The following EPHA4 variants were observed in gnomAD, a reference collection of about 807,000 sequenced individuals.
The protein encoded by EPHA4 is ephrin type-A receptor 4.
A neutral mutation model predicts 108.3 loss-of-function variants in EPHA4; 19 were observed. The ratio of observed to expected loss-of-function variants is 0.18; its 90% CI spans 0.12 to 0.26. The LOEUF (loss-of-function observed/expected upper bound fraction) is 0.26. EPHA4 is among the 10% of genes least tolerant of loss of function. EPHA4 has a pLI of 1.00. For synonymous variants in EPHA4, 449 were observed against 455.5 expected (o/e 0.99, Z 0.18); for missense variants, 917 against 1,254.0 (o/e 0.73, Z 4.06).
At chr2:221,561,896 T>C (rs1188858674) in intron 3 of EPHA4, among the ~76,000 whole-genome samples, 4 of 152,114 alleles carry the variant, frequency 2.6e-5, no homozygotes, top group Non-Finnish European at 4.4e-5. Context: ...TATATAAGAA[T>C]CTTGACATGT....
intron 3 of EPHA4, among the ~76,000 whole-genome samples, chr2:221,508,683 T>C (rs1692710812): frequency 6.6e-6 from 1 of 152,112 alleles, no homozygotes; most frequent in African/African-American, 2.4e-5. Flanking sequence ...GTGCCCTGTA[T>C]TGCCCCCCAA....
chr2:221,527,329 C>T (rs1028641147), intron 3 of EPHA4, among the ~76,000 whole-genome samples: 47 of 152,050 alleles, frequency 3.1e-4, no homozygotes, highest in Admixed American at 2.9e-3. Flanking sequence ...ATTCACCTGC[C>T]GAGTCTCTCA....
chr2:221,551,924 C>A (rs1694175576), intron 3 of EPHA4, among the ~76,000 whole-genome samples: 1 of 151,784 alleles, frequency 6.6e-6, no homozygotes, highest in African/African-American at 2.4e-5. Flanking sequence ...AGCAGAGAGG[C>A]AATTCTAAAA....
intron 3 of EPHA4, among the ~76,000 whole-genome samples, chr2:221,545,650 A>G (rs1353066045): frequency 6.6e-6 from 1 of 152,128 alleles, no homozygotes. Flanking sequence ...GAAACTAAGG[A>G]TGGAATAACC....
Position 221,572,289 on chromosome 2 carries a change from A to C in EPHA4, c.-41T>G. The C allele has an allele frequency of 6.5e-7, 1 of 1,542,128 alleles. No individual in the cohort carries two copies. Among genetic ancestry groups the C allele is most frequent in the Non-Finnish European group, 9.0e-7 (1 of 1,114,598 alleles). ...ACGCTGCTCCTGCCGCTTCTATCCCAGTGGAATAAATGCTTAAGTTAGGAG... is the reference window on the plus strand; with the variant it reads ...ACGCTGCTCCTGCCGCTTCTATCCCCGTGGAATAAATGCTTAAGTTAGGAG... On this transcript the variant is annotated 5_prime_UTR_variant, in exon 1 of 18. Coordinates refer to ENST00000281821, the MANE Select transcript of EPHA4 (RefSeq NM_004438.5).
chr2:221,437,672 G>A (rs1219443142), intron 11 of EPHA4, among the ~76,000 whole-genome samples: 1 of 151,424 alleles, frequency 6.6e-6, no homozygotes, highest in Non-Finnish European at 1.5e-5. Flanking sequence ...AGCACTTTGG[G>A]AGGCCAAGAC....
At chr2:221,472,476 G>A (rs1172400189) in intron 5 of EPHA4, among the ~76,000 whole-genome samples, 1 of 152,002 alleles carries the variant, frequency 6.6e-6, no homozygotes, top group Non-Finnish European at 1.5e-5. Context: ...TCTATTGGTG[G>A]CAGGTCACTA....
At chr2:221,454,726 T>TA (rs1462880632) in intron 8 of EPHA4, among the ~76,000 whole-genome samples, 1 of 152,110 alleles carries the variant, frequency 6.6e-6, no homozygotes, top group Non-Finnish European at 1.5e-5. Flanking sequence ...TGGGAGTGAG[T>TA]AAATGGAGAC....
At chr2:221,538,175 G>A (rs1693727224) in intron 3 of EPHA4, among the ~76,000 whole-genome samples, 1 of 152,182 alleles carries the variant, frequency 6.6e-6, no homozygotes, top group Admixed American at 6.5e-5. Flanking sequence ...TAAGTCTTCT[G>A]TTATAGGACA....
intron 3 of EPHA4, among the ~76,000 whole-genome samples, chr2:221,530,667 A>G (rs532318200): frequency 1.3e-4 from 20 of 152,272 alleles, no homozygotes; most frequent in African/African-American, 4.8e-4. Context: ...CTGAGGGCTG[A>G]GGGCTTTGGG....
chr2:221,507,455 T>C lies in EPHA4; in HGVS notation c.824-6283A>G, dbSNP rs545172560. ...TTGAATCAGTTCAAATTTCTGCAAT[T>C]ATATATTATGATTAATTTTACATTT... On this transcript the variant is annotated intron_variant, in intron 3 of 17. Transcript: ENST00000281821. 2.6e-5 allele frequency among the ~76,000 whole-genome samples: 4 copies of C among 152,360 alleles called. No homozygotes were observed. The South Asian group carries it at 8.3e-4, about 32-fold the overall frequency.
At position 221,572,086 on chromosome 2, in the gene EPHA4, C is replaced by A. The variant is rs1022851049; in HGVS notation, c.91+72G>T. The A allele has an allele frequency of 1.4e-5, 18 of 1,287,144 alleles. No individual in the cohort carries two copies. In the African/African-American group the frequency reaches 1.9e-4, roughly 14 times the overall value. 79.7% of individuals were successfully genotyped at this position (1,287,144 alleles called of 1,614,324 possible). Reference sequence around the variant, plus strand: ...GCTCCCCCCGCACCACCTGGCCCTGCGCTCCTGAGGACCCCTCACCCGCGA... The same window carrying A: ...GCTCCCCCCGCACCACCTGGCCCTGAGCTCCTGAGGACCCCTCACCCGCGA... On this transcript the variant is annotated intron_variant, in intron 1 of 17. Transcript: ENST00000281821.
chr2:221,536,312 G>A (rs1693666579), intron 3 of EPHA4, among the ~76,000 whole-genome samples: 1 of 152,098 alleles, frequency 6.6e-6, no homozygotes, highest in Non-Finnish European at 1.5e-5. Flanking sequence ...CTCTTGTATT[G>A]TATTCCTCTA....
intron 3 of EPHA4, among the ~76,000 whole-genome samples, chr2:221,511,957 C>T (rs911455091): frequency 4.6e-5 from 7 of 152,242 alleles, no homozygotes; most frequent in African/African-American, 1.7e-4. Context: ...AAACTAATAC[C>T]TAGGGCTCTA....
chr2:221,434,062 G>A lies in EPHA4; in HGVS notation c.2496+80C>T, dbSNP rs10180104. The A allele has an allele frequency of 6.3e-4, 909 of 1,444,208 alleles. 8 individuals are homozygous for A. The African/African-American group carries it at 0.012, about 19-fold the overall frequency. The allele number at this position is 1,444,208 out of a possible 1,614,324, so 89.5% of individuals were successfully genotyped here. ...AGTTTAATGTATCATTTCAAACCCC[G>A]TGCCCACTCCATCATACAGTAATGC... On this transcript the variant is annotated intron_variant, in intron 14 of 17. Coordinates refer to ENST00000281821, the MANE Select transcript of EPHA4 (RefSeq NM_004438.5).
At chr2:221,505,581 C>T (rs1437624886) in intron 3 of EPHA4, among the ~76,000 whole-genome samples, 1 of 152,144 alleles carries the variant, frequency 6.6e-6, no homozygotes, top group Non-Finnish European at 1.5e-5. Flanking sequence ...GCCTCGGCCT[C>T]CCAAAGTGCC....
chr2:221,566,854 G>A (rs56798546), intron 2 of EPHA4, among the ~76,000 whole-genome samples: 21,822 of 51,074 alleles, frequency 0.43, 6,586 homozygotes, highest in African/African-American at 0.7. Flanking sequence ...GAAGGAGAAG[G>A]AGAAGAAGAA....
intron 4 of EPHA4, among the ~76,000 whole-genome samples, chr2:221,499,852 G>C (rs1318625087): frequency 6.9e-6 from 1 of 145,726 alleles, no homozygotes; most frequent in Non-Finnish European, 1.5e-5. Context: ...CTGCCTCCTG[G>C]GTTCAAGTGA....
intron 8 of EPHA4, among the ~76,000 whole-genome samples, chr2:221,447,669 T>C (rs1690634594): frequency 6.6e-6 from 1 of 152,068 alleles, no homozygotes; most frequent in African/African-American, 2.4e-5. Flanking sequence ...TCTCATCTCA[T>C]ATATTATCTC....
Sources: allele counts gnomAD v4.1 joint callset (sites outside exome capture counted in the v4.1 genomes callset), GRCh38; gene constraint gnomAD v4.1.1; transcripts MANE v1.5; gene names NCBI Gene and HGNC (gene_info 2026-07-23, HGNC 2026-07-21).